Variants in STX8 observed in about 807,000 individuals in gnomAD.
STX8 encodes the protein syntaxin 8, also known as syntaxin-8.
A neutral mutation model predicts 37.5 loss-of-function variants in STX8; 23 were observed. That is an observed-to-expected ratio of 0.61 (90% confidence interval 0.44 to 0.87). STX8 has a LOEUF of 0.87. Ranked by LOEUF, STX8 falls within the 40% of genes least tolerant of loss-of-function variation. The pLI, the probability that STX8 is intolerant of heterozygous loss-of-function variation, is 0.00. For missense variants in STX8, 313 were observed against 284.7 expected, an observed-to-expected ratio of 1.10 and a Z score of -0.71; for synonymous variants, 115 against 99.1, an observed-to-expected ratio of 1.16 and a Z score of -0.95.
chr17:9,377,616 ATGGC>A (rs1245319376), intron 7 of STX8, among the ~76,000 whole-genome samples: 4 of 152,152 alleles, frequency 2.6e-5, no homozygotes, highest in Non-Finnish European at 4.4e-5. Flanking sequence ...GTGTACCACA[ATGGC>A]TGGCTATTTT....
At chr17:9,279,853 C>T (rs1021171920) in intron 7 of STX8, among the ~76,000 whole-genome samples, 2 of 152,336 alleles carry the variant, frequency 1.3e-5, no homozygotes, top group African/African-American at 4.8e-5. Context: ...AAATAATCCA[C>T]AGAAAACCCT....
chr17:9,515,855 T>C (rs991855244), intron 4 of STX8, among the ~76,000 whole-genome samples: 4 of 152,150 alleles, frequency 2.6e-5, no homozygotes, highest in African/African-American at 7.2e-5. Flanking sequence ...TGGCACCAAA[T>C]AGCCAAGATG....
At chr17:9,284,345 G>A (rs904294734) in intron 7 of STX8, among the ~76,000 whole-genome samples, 1 of 152,076 alleles carries the variant, frequency 6.6e-6, no homozygotes, top group Admixed American at 6.5e-5. Context: ...ACTACAAGAC[G>A]GCTCACCAAA....
At chr17:9,412,446 A>AT (rs1237791724) in intron 6 of STX8, among the ~76,000 whole-genome samples, 9 of 151,972 alleles carry the variant, frequency 5.9e-5, no homozygotes, top group African/African-American at 2.2e-4. Context: ...CACCCAGCTA[A>AT]TTTTGTATTT....
At chr17:9,413,878 C>T (rs545857724) in intron 6 of STX8, among the ~76,000 whole-genome samples, 3 of 152,164 alleles carry the variant, frequency 2.0e-5, no homozygotes, top group South Asian at 2.1e-4. Context: ...ATGCATCTAT[C>T]GATCCATCCA....
Position 9,359,501 on chromosome 17 carries a change from A to ATTTTTTT in STX8, c.643+19050_643+19051insAAAAAAA, listed in dbSNP as rs1567796890. On this transcript the variant is annotated intron_variant, in intron 7 of 7. Transcript: ENST00000306357. The stretch of plus-strand genomic sequence containing the variant: ...TCCTGGTATTCCACAATGCTGAGAC[A>ATTTTTTT]TATTTTTTTTTTTTTTTTTTTTTTG... Among the ~76,000 whole-genome samples, 2 of 111,644 alleles carry ATTTTTTT rather than the reference A, an allele frequency of 1.8e-5. 1 individual carries two copies. Among genetic ancestry groups the ATTTTTTT allele is most frequent in the Non-Finnish European group, 4.0e-5 (2 of 50,564 alleles). 73.2% of individuals were successfully genotyped at this position (111,644 alleles called of 152,430 possible).
intron 6 of STX8, among the ~76,000 whole-genome samples, chr17:9,391,317 TG>T (rs1912212057): frequency 6.6e-6 from 1 of 152,006 alleles, no homozygotes; most frequent in East Asian, 1.9e-4. Context: ...CCAGACATGG[TG>T]GTGCATGCCT....
chr17:9,492,047 T>A, intron 5 of STX8, 126 bp from the exon 6 acceptor site: 1 of 605,358 alleles, frequency 1.7e-6, no homozygotes, highest in Non-Finnish European at 2.7e-6. Flanking sequence ...AGAAAAGAGT[T>A]AACATTATTG....
Position 9,550,097 on chromosome 17 carries a change from G to A in STX8, c.213-4815C>T, listed in dbSNP as rs1231011860. On this transcript the variant is annotated intron_variant, in intron 3 of 7. Transcript: ENST00000306357. ...AAATTAGCTGGGTGTGGTGGCACAC[G>A]CCTGTAGTCCCAGCTACTCAGGAGG... 7.9e-5 allele frequency among the ~76,000 whole-genome samples: 12 copies of A among 152,184 alleles called. No homozygotes were observed. In the East Asian group the frequency reaches 2.1e-3, roughly 27 times the overall value.
At chr17:9,436,711 G>C (rs868023267) in intron 6 of STX8, among the ~76,000 whole-genome samples, 1 of 152,206 alleles carries the variant, frequency 6.6e-6, no homozygotes, top group South Asian at 2.1e-4. Flanking sequence ...TGTTTGGCCT[G>C]TATCAATGTG....
chr17:9,289,848 A>G (rs1908254344), intron 7 of STX8, among the ~76,000 whole-genome samples: 1 of 152,166 alleles, frequency 6.6e-6, no homozygotes, highest in Non-Finnish European at 1.5e-5. Context: ...AACACAAAAT[A>G]TTGCATGAGA....
At chr17:9,324,093 C>G (rs1301935325) in intron 7 of STX8, among the ~76,000 whole-genome samples, 3 of 146,944 alleles carry the variant, frequency 2.0e-5, no homozygotes, top group Admixed American at 6.9e-5. Flanking sequence ...ATCCCTCTCT[C>G]TCTCTCTCTC....
chr17:9,254,872 A>C (rs1164469038), intron 7 of STX8, among the ~76,000 whole-genome samples: 1 of 152,166 alleles, frequency 6.6e-6, no homozygotes, highest in Non-Finnish European at 1.5e-5. Flanking sequence ...TGTGTGTATA[A>C]AACAAATGAG....
At chr17:9,415,786 G>A (rs922407169) in intron 6 of STX8, among the ~76,000 whole-genome samples, 8 of 152,042 alleles carry the variant, frequency 5.3e-5, no homozygotes, top group Admixed American at 1.3e-4. Context: ...ACAACAAAAA[G>A]CAATGGCTTT....
intron 4 of STX8, among the ~76,000 whole-genome samples, chr17:9,534,799 C>T (rs1905963511): frequency 6.6e-6 from 1 of 151,546 alleles, no homozygotes; most frequent in African/African-American, 2.4e-5. Context: ...AAAAAAAAGG[C>T]AAAACTCTTA....
chr17:9,402,349 G>A (rs1373472078), intron 6 of STX8, among the ~76,000 whole-genome samples: 1 of 152,106 alleles, frequency 6.6e-6, no homozygotes, highest in Non-Finnish European at 1.5e-5. Flanking sequence ...TCGAACTCCT[G>A]ATCTCAGGTG....
intron 2 of STX8, among the ~76,000 whole-genome samples, chr17:9,563,655 G>C (rs529858148): frequency 2.3e-4 from 35 of 152,248 alleles, no homozygotes; most frequent in Non-Finnish European, 4.6e-4. Context: ...GTAGAAAAGA[G>C]AGGAATGGGA....
intron 6 of STX8, among the ~76,000 whole-genome samples, chr17:9,475,580 G>C (rs925237781): frequency 6.6e-5 from 10 of 152,188 alleles, no homozygotes; most frequent in African/African-American, 2.4e-4. Flanking sequence ...TCTCTGGAGA[G>C]GAAAGTTTGC....
chr17:9,530,833 T>C (rs995174986), intron 4 of STX8, among the ~76,000 whole-genome samples: 20 of 152,364 alleles, frequency 1.3e-4, no homozygotes, highest in Admixed American at 1.2e-3. Context: ...ATCCAACTTA[T>C]CACTTGTTTC....
Sources: allele counts gnomAD v4.1 joint callset (sites outside exome capture counted in the v4.1 genomes callset), GRCh38; gene constraint gnomAD v4.1.1; transcripts MANE v1.5; gene names NCBI Gene and HGNC (gene_info 2026-07-23, HGNC 2026-07-21).